Variants in PTBP3 observed in about 807,000 individuals in gnomAD.
PTBP3 encodes the protein polypyrimidine tract-binding protein 3.
In PTBP3, 20 loss-of-function variants were observed where a neutral mutation model predicts 58.7. The ratio of observed to expected loss-of-function variants is 0.34; its 90% CI spans 0.24 to 0.50. PTBP3 has a LOEUF of 0.50. Ranked by LOEUF, PTBP3 falls within the 20% of genes least tolerant of loss-of-function variation. The probability of loss-of-function intolerance (pLI) is 0.98; values close to 1 mark genes in which losing one functional copy is unlikely to be tolerated. For synonymous variants in PTBP3, 185 were observed against 219.8 expected, an observed-to-expected ratio of 0.84 and a Z score of 1.40; for missense variants, 509 against 637.2, an observed-to-expected ratio of 0.80 and a Z score of 2.17.
the PTBP3 span, among the ~76,000 whole-genome samples, chr9:112,359,486 T>G: frequency 6.6e-6 from 1 of 150,852 alleles, no homozygotes; most frequent in Non-Finnish European, 1.5e-5. Context: ...TGGAAAGATG[T>G]TTATAATATA....
chr9:112,338,973 C>T, the PTBP3 span, among the ~76,000 whole-genome samples: 10 of 152,162 alleles, frequency 6.6e-5, no homozygotes, highest in East Asian at 1.7e-3. Context: ...GAGCACTTTT[C>T]TGAAAAGGGG....
At chr9:112,356,874 C>T in the PTBP3 span, among the ~76,000 whole-genome samples, 410 of 91,492 alleles carry the variant, frequency 4.5e-3, 2 homozygotes, top group Middle Eastern at 0.012. Flanking sequence ...TCATTTCCCT[C>T]TTTTTTTTTT....
At chr9:112,296,722 A>C (rs1381741751) in intron 2 of PTBP3, among the ~76,000 whole-genome samples, 1 of 152,128 alleles carries the variant, frequency 6.6e-6, no homozygotes, top group African/African-American at 2.4e-5. Context: ...ACTCAAACTC[A>C]ATATATACAA....
the PTBP3 span, among the ~76,000 whole-genome samples, chr9:112,355,995 TTTC>T: frequency 6.6e-6 from 1 of 151,900 alleles, no homozygotes; most frequent in East Asian, 1.9e-4. Flanking sequence ...TTTCTTTCTC[TTTC>T]TTTTCTTTCC....
chr9:112,227,142 A>AT (rs1212209597), intron 12 of PTBP3, among the ~76,000 whole-genome samples: 1 of 152,106 alleles, frequency 6.6e-6, no homozygotes, highest in Non-Finnish European at 1.5e-5. Flanking sequence ...TCTGCCTAGA[A>AT]TTTTTTTTAT....
rs551251472 is a variant in PTBP3, at chr9:112,275,577, T to C, written c.204+267A>G. ...ACCACTGTGTAATACAAAATATAAA[T>C]AAAATTAAAAACAAATTTAAAAAAA... On this transcript the variant is annotated intron_variant, in intron 3 of 13. Coordinates refer to ENST00000374257, the MANE Select transcript of PTBP3 (RefSeq NM_001163788.4). Among the ~76,000 whole-genome samples, 49 of 152,122 alleles carry C rather than the reference T, an allele frequency of 3.2e-4. No individual in the cohort carries two copies. In the East Asian group the frequency reaches 9.2e-3, roughly 29 times the overall value.
upstream of PTBP3, chr9:112,333,799 T>A: frequency 4.2e-6 from 1 of 235,386 alleles, no homozygotes; most frequent in Non-Finnish European, 8.0e-6. Flanking sequence ...CCGGCTCAGC[T>A]CTGGGGCGCC....
At chr9:112,328,133 C>G (rs573222256) in intron 1 of PTBP3, among the ~76,000 whole-genome samples, 2 of 152,254 alleles carry the variant, frequency 1.3e-5, no homozygotes, top group South Asian at 4.1e-4. Flanking sequence ...GGAAGATAAC[C>G]TGAAATCCAC....
chr9:112,250,769 A>G (rs1319469432), intron 7 of PTBP3, among the ~76,000 whole-genome samples, 160 bp downstream of exon 7: 1 of 152,194 alleles, frequency 6.6e-6, no homozygotes, highest in Non-Finnish European at 1.5e-5. Flanking sequence ...CCTAATATTA[A>G]TATTTAATTA....
chr9:112,311,180 T>G lies in PTBP3; in HGVS notation c.-51-13264A>C, dbSNP rs562526429. ...GGATTAAGGGCCAGGGCAGTTGCAG[T>G]TATGGTGGAAAATGTGTTTTTTTTT... On this transcript the variant is annotated intron_variant, in intron 1 of 13. Transcript: ENST00000374257. Among the ~76,000 whole-genome samples the G allele has an allele frequency of 6.6e-5, 10 of 151,896 alleles. No individual in the cohort carries two copies. The South Asian group carries it at 2.1e-3, about 32-fold the overall frequency.
chr9:112,245,538 G>A (rs1269579101), intron 7 of PTBP3, among the ~76,000 whole-genome samples: 1 of 152,152 alleles, frequency 6.6e-6, no homozygotes, highest in Non-Finnish European at 1.5e-5. Context: ...ATATATTTAT[G>A]AAGCAAACAT....
rs961928048 is a variant in PTBP3, at chr9:112,218,786, T to C, written c.*5065A>G. The C allele has an allele frequency of 6.6e-6, 1 of 152,666 alleles. No individual in the cohort carries two copies. Among genetic ancestry groups the C allele is most frequent in the Non-Finnish European group, 1.5e-5 (1 of 68,052 alleles). 9.5% of individuals were successfully genotyped at this position (152,666 alleles called of 1,614,324 possible). ...TATATAAAACCACTTTATAAGTTCA[T>C]TTGTTCCCAAAAACCTTTTTTTCTT... is the stretch of plus-strand genomic sequence containing the variant. On this transcript the variant is annotated 3_prime_UTR_variant, in exon 14 of 14. Transcript: ENST00000374257.
At chr9:112,231,482 C>T in intron 9 of PTBP3, 69 bp from the exon 10 acceptor site, 1 of 1,265,350 alleles carries the variant, frequency 7.9e-7, no homozygotes. Context: ...TTTATTTATA[C>T]TGTAATGGCA....
intron 1 of PTBP3, among the ~76,000 whole-genome samples, chr9:112,301,616 G>T (rs1828941350): frequency 1.3e-5 from 2 of 152,318 alleles, no homozygotes; most frequent in East Asian, 3.9e-4. Flanking sequence ...GGTGGAGGTG[G>T]TAGGTGATTA....
At chr9:112,363,140 T>C in the PTBP3 span, 1 of 155,396 alleles carries the variant, frequency 6.4e-6, no homozygotes, top group Admixed American at 6.5e-5. Flanking sequence ...ATGTTTTGTG[T>C]TGAAATAAAA....
In PTBP3 at chr9:112,220,182, G is replaced by A. The variant is rs1052704344; in HGVS notation, c.*3669C>T. 2.2e-6 allele frequency: 3 copies of A among 1,338,662 alleles called. No individual in the cohort carries two copies. Among genetic ancestry groups the A allele is most frequent in the Non-Finnish European group, 3.0e-6 (3 of 1,015,344 alleles). The allele number at this position is 1,338,662 out of a possible 1,614,324, so 82.9% of individuals were successfully genotyped here. Reference sequence around the variant, plus strand: ...ACACATGTACTTTTGTCAATTTTTTGTCCAAAAATATCTCGTGGGAACAGA... The same window carrying A: ...ACACATGTACTTTTGTCAATTTTTTATCCAAAAATATCTCGTGGGAACAGA... On this transcript the variant is annotated 3_prime_UTR_variant, in exon 14 of 14. Transcript: ENST00000374257.
chr9:112,257,937 T>C (rs1230539399), intron 5 of PTBP3, among the ~76,000 whole-genome samples: 1 of 73,890 alleles, frequency 1.4e-5, no homozygotes, highest in Non-Finnish European at 2.3e-5. Flanking sequence ...TGAGACTCCA[T>C]CTCAAAAAAA....
chr9:112,337,389 A>G (rs1316584100), upstream of PTBP3, among the ~76,000 whole-genome samples: 3 of 152,342 alleles, frequency 2.0e-5, no homozygotes, highest in African/African-American at 7.2e-5. Context: ...ATTCAAAAAT[A>G]GTAGGTAGCA....
chr9:112,277,787 A>T (rs1827672412), intron 2 of PTBP3, among the ~76,000 whole-genome samples: 1 of 151,994 alleles, frequency 6.6e-6, no homozygotes, highest in Admixed American at 6.6e-5. Context: ...GAGGCAAGAG[A>T]GTCACTTGAA....
Sources: gnomAD v4.1 joint callset for allele counts (sites outside exome capture counted in the v4.1 genomes callset) on GRCh38, gnomAD v4.1.1 for gene constraint, MANE v1.5 for transcripts, NCBI Gene and HGNC (gene_info 2026-07-23, HGNC 2026-07-21) for gene names.